The following PITPNC1 variants were observed in gnomAD, a reference collection of about 807,000 sequenced individuals.
The protein encoded by PITPNC1 is phosphatidylinositol transfer protein cytoplasmic 1.
PITPNC1 carries 18 observed loss-of-function variants against 44.7 expected under a neutral mutation model. The ratio of observed to expected loss-of-function variants is 0.40; its 90% CI spans 0.28 to 0.60. PITPNC1 has a LOEUF of 0.60. Ranked by LOEUF, PITPNC1 falls within the 20% of genes least tolerant of loss-of-function variation. PITPNC1 has a pLI of 0.39. For synonymous variants in PITPNC1, 141 were observed against 149.6 expected (o/e 0.94, Z 0.42); for missense variants, 290 against 418.4 (o/e 0.69, Z 2.68).
At chr17:67,420,268 T>C (rs2038651536) in intron 1 of PITPNC1, among the ~76,000 whole-genome samples, 1 of 152,156 alleles carries the variant, frequency 6.6e-6, no homozygotes, top group Non-Finnish European at 1.5e-5. Flanking sequence ...CAAGAAGCAC[T>C]GGAATAAAGA....
rs2042966115 is a variant in PITPNC1, at chr17:67,693,633, A to G, written c.*745A>G. On this transcript the variant is annotated 3_prime_UTR_variant, in exon 9 of 9. Transcript: ENST00000581322. ...TTGGAATGGTTCAGTTTAGGAACCA[A>G]GAGGCCCAGGTGAGGCAACATCTTT... The G allele has an allele frequency of 6.6e-6, 1 of 152,420 alleles. No individual in the cohort carries two copies. Among genetic ancestry groups the G allele is most frequent in the Non-Finnish European group, 1.5e-5 (1 of 68,048 alleles). 9.4% of individuals were successfully genotyped at this position (152,420 alleles called of 1,614,324 possible).
At chr17:67,542,501 C>T (rs2040622352) in intron 2 of PITPNC1, among the ~76,000 whole-genome samples, 1 of 152,102 alleles carries the variant, frequency 6.6e-6, no homozygotes, top group Non-Finnish European at 1.5e-5. Flanking sequence ...AAATGTACGA[C>T]GTACAACACA....
Position 67,532,959 on chromosome 17 carries a change from T to C in PITPNC1, c.197+9T>C, listed in dbSNP as rs767832550. ...CGGGTGTATCTCAACAGGTGAGTCA[T>C]GGCAGCCTGCGTTCTGCACAGAAGC... On this transcript the variant is annotated intron_variant, in intron 2 of 8. Transcript: ENST00000581322. 6.2e-7 allele frequency: 1 copy of C among 1,603,980 alleles called. No homozygotes were observed. The highest frequency in any genetic ancestry group is 1.1e-5 in the South Asian group (1 of 89,080).
chr17:67,539,339 G>C (rs2040572088), intron 2 of PITPNC1, among the ~76,000 whole-genome samples: 1 of 152,116 alleles, frequency 6.6e-6, no homozygotes, highest in Admixed American at 6.5e-5. Context: ...TTCTTGCACT[G>C]TACACAAGGA....
intron 1 of PITPNC1, among the ~76,000 whole-genome samples, chr17:67,423,840 A>G (rs2038703988): frequency 6.6e-6 from 1 of 152,128 alleles, no homozygotes; most frequent in African/African-American, 2.4e-5. Flanking sequence ...GAGAGTTGCA[A>G]TGCTCCCTCT....
intron 1 of PITPNC1, among the ~76,000 whole-genome samples, chr17:67,419,726 C>T (rs573825314): frequency 9.9e-5 from 15 of 152,188 alleles, no homozygotes; most frequent in African/African-American, 3.4e-4. Context: ...GCCAACATGG[C>T]GAAACCCCGT....
At chr17:67,397,681 C>T (rs763475405) in intron 1 of PITPNC1, among the ~76,000 whole-genome samples, 1 of 152,196 alleles carries the variant, frequency 6.6e-6, no homozygotes, top group Non-Finnish European at 1.5e-5. Context: ...TTTGCAGCCA[C>T]CTCAAGACAC....
chr17:67,414,112 TAGAG>T (rs1175862283), intron 1 of PITPNC1, among the ~76,000 whole-genome samples: 17 of 122,658 alleles, frequency 1.4e-4, no homozygotes, highest in South Asian at 1.0e-3. Flanking sequence ...AAAAAAAAAA[TAGAG>T]AGAATGGTGT....
At chr17:67,569,453 C>T (rs568528124) in intron 4 of PITPNC1, among the ~76,000 whole-genome samples, 17 of 152,324 alleles carry the variant, frequency 1.1e-4, no homozygotes, top group African/African-American at 3.8e-4. Flanking sequence ...CAGATCCACC[C>T]GTCACTTCCA....
At chr17:67,583,127 G>A (rs534556789) in intron 5 of PITPNC1, among the ~76,000 whole-genome samples, 61 of 152,302 alleles carry the variant, frequency 4.0e-4, no homozygotes, top group African/African-American at 1.4e-3. Context: ...TAAGCATGAA[G>A]GACAGAACAC....
At chr17:67,575,398 G>T (rs914445357) in intron 4 of PITPNC1, among the ~76,000 whole-genome samples, 1 of 152,148 alleles carries the variant, frequency 6.6e-6, no homozygotes, top group Non-Finnish European at 1.5e-5. Flanking sequence ...ATGAATAATC[G>T]CAGGGCCTTG....
chr17:67,553,558 C>G (rs2040795450), intron 3 of PITPNC1, 52 bp from the exon 4 acceptor site: 2 of 905,062 alleles, frequency 2.2e-6, no homozygotes, highest in South Asian at 1.9e-5. Flanking sequence ...TCTAAATCAT[C>G]TTTTGTCTCT....
intron 1 of PITPNC1, among the ~76,000 whole-genome samples, chr17:67,451,235 T>C (rs562439585): frequency 1.3e-5 from 2 of 152,244 alleles, no homozygotes; most frequent in South Asian, 4.2e-4. Context: ...TTTTGCCATG[T>C]TGACCAGGCT....
intron 8 of PITPNC1, among the ~76,000 whole-genome samples, chr17:67,680,514 C>T (rs1236281608): frequency 4.0e-5 from 6 of 151,594 alleles, no homozygotes; most frequent in African/African-American, 1.5e-4. Context: ...GTAGGAGAAT[C>T]GCTTGAACCC....
intron 1 of PITPNC1, among the ~76,000 whole-genome samples, chr17:67,422,351 G>T (rs575059950): frequency 3.0e-4 from 46 of 152,224 alleles, no homozygotes; most frequent in Admixed American, 1.6e-3. Flanking sequence ...TTATTAGGCC[G>T]TGGACAAGTC....
At chr17:67,515,207 C>T (rs561738575) in intron 1 of PITPNC1, among the ~76,000 whole-genome samples, 4 of 152,232 alleles carry the variant, frequency 2.6e-5, no homozygotes, top group Non-Finnish European at 4.4e-5. Context: ...TACCATCTGC[C>T]CAAGAGGAGA....
At chr17:67,444,201 A>G (rs1205066296) in intron 1 of PITPNC1, among the ~76,000 whole-genome samples, 4 of 152,016 alleles carry the variant, frequency 2.6e-5, no homozygotes, top group Non-Finnish European at 4.4e-5. Context: ...GTCACTTCAC[A>G]TATAATTATT....
intron 5 of PITPNC1, among the ~76,000 whole-genome samples, chr17:67,605,517 G>A (rs2041597169): frequency 6.6e-6 from 1 of 152,156 alleles, no homozygotes; most frequent in Admixed American, 6.6e-5. Flanking sequence ...AAAACCTCCC[G>A]ACCTTTCCTT....
At chr17:67,579,122 A>G (rs953018049) in intron 5 of PITPNC1, among the ~76,000 whole-genome samples, 3 of 152,216 alleles carry the variant, frequency 2.0e-5, no homozygotes, top group Non-Finnish European at 2.9e-5. Context: ...CAAAATATTT[A>G]CCTCCTGAGG....
Sources: gnomAD v4.1 joint callset for allele counts (sites outside exome capture counted in the v4.1 genomes callset) on GRCh38, gnomAD v4.1.1 for gene constraint, MANE v1.5 for transcripts, NCBI Gene and HGNC (gene_info 2026-07-23, HGNC 2026-07-21) for gene names.